The following ARSB variants were observed in gnomAD, a reference collection of about 807,000 sequenced individuals.
ARSB encodes N-acetylgalactosamine-4-sulfatase.
In ARSB, 41 loss-of-function variants were observed where a neutral mutation model predicts 50.9. The observed-to-expected ratio is 0.81, with a 90% CI of 0.63 to 1.04. The LOEUF (loss-of-function observed/expected upper bound fraction) is 1.04, where lower values mean the gene tolerates loss of function less well. Ranked by LOEUF, ARSB falls within the 50% of genes least tolerant of loss-of-function variation. The pLI, the probability that ARSB is intolerant of heterozygous loss-of-function variation, is 0.00. For synonymous variants in ARSB, 269 were observed against 284.8 expected (o/e 0.94, Z 0.56); for missense variants, 672 against 693.3 (o/e 0.97, Z 0.35).
intron 5 of ARSB, among the ~76,000 whole-genome samples, chr5:78,877,056 G>C (rs911465207): frequency 1.3e-5 from 2 of 152,152 alleles, no homozygotes; most frequent in Non-Finnish European, 2.9e-5. Context: ...CAGAGAGTTT[G>C]GGGACCATTG....
chr5:78,853,055 C>T (rs549410910), intron 5 of ARSB, among the ~76,000 whole-genome samples: 1 of 152,252 alleles, frequency 6.6e-6, no homozygotes, highest in Non-Finnish European at 1.5e-5. Flanking sequence ...CTTTTCTCAA[C>T]TCGTCAAAGT....
At chr5:78,954,617 G>A (rs1264810859) in intron 4 of ARSB, among the ~76,000 whole-genome samples, 1 of 152,150 alleles carries the variant, frequency 6.6e-6, no homozygotes, top group Non-Finnish European at 1.5e-5. Context: ...CAGTTCTCCT[G>A]TCTCAGCCTC....
chr5:78,942,699 A>G (rs565447606), intron 4 of ARSB, among the ~76,000 whole-genome samples: 41 of 152,258 alleles, frequency 2.7e-4, no homozygotes, highest in African/African-American at 9.9e-4. Flanking sequence ...TTTACTTCCA[A>G]CTATGTGGTC....
Position 78,791,642 on chromosome 5 carries a change from T to C in ARSB, c.1214-9668A>G, listed in dbSNP as rs576750596. 1.2e-4 allele frequency among the ~76,000 whole-genome samples: 18 copies of C among 152,374 alleles called. No individual in the cohort carries two copies. The East Asian group carries it at 1.3e-3, about 11-fold the overall frequency. On this transcript the variant is annotated intron_variant, in intron 6 of 7. Coordinates refer to ENST00000264914, the MANE Select transcript of ARSB (RefSeq NM_000046.5). ...TGAATGTCCCAACAACTGCAGGCTTTGGCCAAGGCCACCCTCTCATCTCGC... is the reference window on the plus strand; with the variant it reads ...TGAATGTCCCAACAACTGCAGGCTTCGGCCAAGGCCACCCTCTCATCTCGC...
At chr5:78,983,730 T>C (rs568191328) in intron 1 of ARSB, among the ~76,000 whole-genome samples, 2 of 152,286 alleles carry the variant, frequency 1.3e-5, no homozygotes, top group South Asian at 4.1e-4. Context: ...TTCCTCTTTA[T>C]AAAAGCCTTC....
chr5:78,892,963 G>A (rs574560013), intron 4 of ARSB, among the ~76,000 whole-genome samples: 4 of 152,060 alleles, frequency 2.6e-5, no homozygotes, highest in Admixed American at 1.3e-4. Flanking sequence ...CGATTGATAC[G>A]GTTTGGCTGT....
At chr5:78,905,037 CT>C (rs1241082241) in intron 4 of ARSB, among the ~76,000 whole-genome samples, 1 of 152,142 alleles carries the variant, frequency 6.6e-6, no homozygotes, top group Non-Finnish European at 1.5e-5. Flanking sequence ...ACCGACTCTT[CT>C]TTATCAGCTC....
intron 1 of ARSB, among the ~76,000 whole-genome samples, chr5:78,971,944 T>C (rs1358794172): frequency 6.6e-6 from 1 of 152,242 alleles, no homozygotes; most frequent in Non-Finnish European, 1.5e-5. Flanking sequence ...CTACTGAGAT[T>C]GTTATGCCTC....
chr5:78,871,037 C>A (rs1952432328), intron 5 of ARSB, among the ~76,000 whole-genome samples: 2 of 149,866 alleles, frequency 1.3e-5, no homozygotes. Context: ...AAACAGAGAG[C>A]CAAATCATGA....
chr5:78,936,786 CAAT>C (rs1331793073), intron 4 of ARSB, among the ~76,000 whole-genome samples: 1 of 152,244 alleles, frequency 6.6e-6, no homozygotes, highest in African/African-American at 2.4e-5. Flanking sequence ...GTAATGCATT[CAAT>C]AATGTTTGTT....
chr5:78,892,468 C>G (rs1166215020), intron 4 of ARSB, among the ~76,000 whole-genome samples: 1 of 152,016 alleles, frequency 6.6e-6, no homozygotes, highest in Non-Finnish European at 1.5e-5. Context: ...GTCGGCCAGG[C>G]TGGTCTTGAA....
chr5:78,958,613 C>T (rs533426044), intron 3 of ARSB, among the ~76,000 whole-genome samples: 1 of 152,278 alleles, frequency 6.6e-6, no homozygotes, highest in South Asian at 2.1e-4. Flanking sequence ...TCAGGACCCT[C>T]TAAATTATGC....
intron 6 of ARSB, among the ~76,000 whole-genome samples, chr5:78,803,746 C>A (rs925019597): frequency 6.6e-6 from 1 of 152,264 alleles, no homozygotes; most frequent in Non-Finnish European, 1.5e-5. Context: ...GCTATGAAGA[C>A]CAGAGGTCTT....
intron 1 of ARSB, among the ~76,000 whole-genome samples, chr5:78,980,744 G>GTGTGTGTGTGTGTA (rs57536545): frequency 0.022 from 3,293 of 151,588 alleles, 57 homozygotes; most frequent in East Asian, 0.063. Flanking sequence ...ATGTGTGTGT[G>GTGTGTGTGTGTGTA]TGTGTGTGTG....
chr5:78,972,273 G>C (rs542488991), intron 1 of ARSB, among the ~76,000 whole-genome samples: 14 of 152,234 alleles, frequency 9.2e-5, no homozygotes, highest in Non-Finnish European at 1.6e-4. Context: ...TCTAGGTTCT[G>C]GTAATTGGCC....
intron 4 of ARSB, among the ~76,000 whole-genome samples, chr5:78,888,594 A>G (rs1479816009): frequency 6.6e-6 from 1 of 152,218 alleles, no homozygotes; most frequent in East Asian, 1.9e-4. Flanking sequence ...CTTCAGTTGC[A>G]CATATTTGTT....
chr5:78,932,993 C>T (rs779141074), intron 4 of ARSB, among the ~76,000 whole-genome samples: 20 of 152,300 alleles, frequency 1.3e-4, no homozygotes, highest in Non-Finnish European at 2.6e-4. Flanking sequence ...GTCAATGTCA[C>T]ACCATTTAGA....
intron 6 of ARSB, among the ~76,000 whole-genome samples, chr5:78,800,904 A>G (rs1212396631): frequency 2.0e-5 from 3 of 152,190 alleles, no homozygotes; most frequent in Non-Finnish European, 4.4e-5. Flanking sequence ...AGTAGGATTC[A>G]GAGAGGAGGA....
chr5:78,782,348 T>C (rs1049033114), intron 6 of ARSB, among the ~76,000 whole-genome samples: 1 of 152,224 alleles, frequency 6.6e-6, no homozygotes, highest in African/African-American at 2.4e-5. Flanking sequence ...TGTATACTTA[T>C]ACCTATGTAA....
Sources: gnomAD v4.1 joint callset for allele counts (sites outside exome capture counted in the v4.1 genomes callset) on GRCh38, gnomAD v4.1.1 for gene constraint, MANE v1.5 for transcripts, NCBI Gene and HGNC (gene_info 2026-07-23, HGNC 2026-07-21) for gene names.